Variants in ACLY observed in about 807,000 individuals in gnomAD.
The protein encoded by ACLY is ATP-citrate synthase.
ACLY carries 41 observed loss-of-function variants against 133.0 expected under a neutral mutation model. The observed-to-expected ratio is 0.31, with a 90% CI of 0.24 to 0.40. The LOEUF is 0.40. Ranked by LOEUF, ACLY falls within the 10% of genes least tolerant of loss-of-function variation. ACLY has a pLI of 1.00. For missense variants in ACLY, 1,046 were observed against 1,453.8 expected, an observed-to-expected ratio of 0.72 and a Z score of 4.56; for synonymous variants, 495 against 549.3, an observed-to-expected ratio of 0.90 and a Z score of 1.38.
At chr17:41,885,103 T>C (rs2049015635) in intron 18 of ACLY, among the ~76,000 whole-genome samples, 1 of 151,904 alleles carries the variant, frequency 6.6e-6, no homozygotes, top group Non-Finnish European at 1.5e-5. Flanking sequence ...TAGTCTCGAA[T>C]TTCTGGGCTG....
intron 10 of ACLY, chr17:41,904,484 A>G (rs1216442103): frequency 5.8e-6 from 3 of 515,594 alleles, no homozygotes; most frequent in African/African-American, 3.8e-5. Context: ...TTCGCCTCCC[A>G]TGCTTCAGGT....
In ACLY at chr17:41,908,991, A is replaced by AG. The variant is rs782622373; in HGVS notation, c.613dup (p.Leu205ProfsTer12). 1 of 1,612,690 alleles carries AG rather than the reference A, an allele frequency of 6.2e-7. No individual in the cohort carries two copies. Among genetic ancestry groups the AG allele is most frequent in the Non-Finnish European group, 8.5e-7 (1 of 1,179,252 alleles). ...CCCAGCCAAGCACACCCAGTTACCA[A>AG]GGGGATTGATCTCGAGGTAGGTGAA... On this transcript the variant is annotated frameshift_variant, in exon 6 of 29. Coordinates refer to ENST00000352035, the MANE Select transcript of ACLY (RefSeq NM_001096.3). LOFTEE classifies it high-confidence loss of function.
At chr17:41,909,308 G>A (rs1229274691) in intron 5 of ACLY, among the ~76,000 whole-genome samples, 1 of 152,164 alleles carries the variant, frequency 6.6e-6, no homozygotes, top group Admixed American at 6.5e-5. Flanking sequence ...ACAGGGGCAA[G>A]GAGGTGAGGG....
rs920840934 is a variant in ACLY, at chr17:41,896,798, G to A, written c.1430-149C>T. 6.4e-6 allele frequency: 4 copies of A among 622,954 alleles called. No homozygotes were observed. The East Asian group carries it at 9.2e-5, about 14-fold the overall frequency. 38.6% of individuals were successfully genotyped at this position (622,954 alleles called of 1,614,324 possible). Reference sequence around the variant, plus strand: ...CCTCTCCTGTTCTGCAATGGACAACGGAGTAAGGCCAGCAGAAGAGGTGAA... The same window carrying A: ...CCTCTCCTGTTCTGCAATGGACAACAGAGTAAGGCCAGCAGAAGAGGTGAA... On this transcript the variant is annotated intron_variant, in intron 13 of 28. Transcript: ENST00000352035.
chr17:41,908,877 C>T (rs1168141651), intron 6 of ACLY, 112 bp downstream of exon 6: 2 of 861,242 alleles, frequency 2.3e-6, no homozygotes, highest in Non-Finnish European at 3.9e-6. Flanking sequence ...TTGTGCACAT[C>T]TGTCTTGTGT....
intron 10 of ACLY, among the ~76,000 whole-genome samples, chr17:41,903,476 C>A (rs782475477): frequency 6.6e-6 from 1 of 152,036 alleles, no homozygotes. Flanking sequence ...CCAGGATGGC[C>A]GGGCACAGTG....
intron 3 of ACLY, among the ~76,000 whole-genome samples, 191 bp from the exon 4 acceptor site, chr17:41,910,475 C>T (rs190339613): frequency 6.6e-6 from 1 of 152,358 alleles, no homozygotes; most frequent in Non-Finnish European, 1.5e-5. Context: ...CCTTTCACCC[C>T]TTGCTCTGGT....
chr17:41,868,702 G>T lies in ACLY; in HGVS notation c.3211+7C>A. ...AAAACACTTAAAACAACAACGAATG[G>T]ACTCACCAATGAACCCCATACTCCT... On this transcript the variant is annotated splice_region_variant and intron_variant, in intron 28 of 28. Coordinates refer to ENST00000352035, the MANE Select transcript of ACLY (RefSeq NM_001096.3). 1 of 1,611,952 alleles carries T rather than the reference G, an allele frequency of 6.2e-7. No individual in the cohort carries two copies. The highest frequency in any genetic ancestry group is 1.1e-5 in the South Asian group (1 of 90,924).
At chr17:41,886,006 C>T (rs1284238179) in intron 18 of ACLY, 106 bp downstream of exon 18, 16 of 1,078,198 alleles carry the variant, frequency 1.5e-5, no homozygotes, top group East Asian at 1.4e-4. Flanking sequence ...AGCATTCCTG[C>T]GGGCCTGGAA....
At chr17:41,918,764 A>G in intron 1 of ACLY, 116 bp downstream of exon 1, 1 of 1,206,708 alleles carries the variant, frequency 8.3e-7, no homozygotes, top group Non-Finnish European at 1.1e-6. Flanking sequence ...ACTTCCGAGC[A>G]GGGCGCGTGG....
intron 10 of ACLY, among the ~76,000 whole-genome samples, chr17:41,903,213 C>T (rs1251125847): frequency 2.0e-5 from 3 of 152,188 alleles, no homozygotes; most frequent in African/African-American, 7.2e-5. Flanking sequence ...GAGCATCTGA[C>T]AGCATGGAAT....
intron 12 of ACLY, 88 bp from the exon 13 acceptor site, chr17:41,897,927 G>C: frequency 8.3e-7 from 1 of 1,200,772 alleles, no homozygotes; most frequent in East Asian, 2.6e-5. Context: ...AAGAAAACTC[G>C]TAATAAAAAT....
Position 41,909,634 on chromosome 17 carries a change from C to A in ACLY, c.412G>T (p.Gly138Trp). 6.2e-7 allele frequency: 1 copy of A among 1,614,184 alleles called. No individual in the cohort carries two copies. Among genetic ancestry groups the A allele is most frequent in the Non-Finnish European group, 8.5e-7 (1 of 1,180,038 alleles). ...EGDYVLFHHE[G>W]GVDVGDVDAK... is the part of the protein sequence containing the mutation. ...TCCACATCACCCACGTCCACACCCCCCTCGTGGTGGAACAGGACGTAGTCC... is the reference window on the plus strand; with the variant it reads ...TCCACATCACCCACGTCCACACCCCACTCGTGGTGGAACAGGACGTAGTCC... The change falls in exon 5 of 29, where the codon GGG becomes TGG. Residue 138 changes from glycine to tryptophan, a missense_variant. By Grantham distance (184) the Gly-to-Trp change is radical. Transcript: ENST00000352035.
At chr17:41,900,362 CAAAATAAAAAA>C (rs782190814) in intron 11 of ACLY, among the ~76,000 whole-genome samples, 38 of 117,022 alleles carry the variant, frequency 3.2e-4, no homozygotes, top group Non-Finnish European at 5.0e-4. Flanking sequence ...GACTCCATCT[CAAAATAAAAAA>C]AAAAGAAAAA....
At chr17:41,894,291 C>T (rs1555629957) in intron 14 of ACLY, among the ~76,000 whole-genome samples, 1 of 146,302 alleles carries the variant, frequency 6.8e-6, no homozygotes, top group East Asian at 2.0e-4. Context: ...AACACACAAT[C>T]ACTTGAACCA....
At chr17:41,905,459 T>A in intron 9 of ACLY, 63 bp downstream of exon 9, 1 of 1,604,820 alleles carries the variant, frequency 6.2e-7, no homozygotes, top group Non-Finnish European at 8.5e-7. Context: ...AGCTGTCCCA[T>A]TGCAGCCTGC....
At chr17:41,879,992 G>C (rs943860673) in intron 20 of ACLY, among the ~76,000 whole-genome samples, 2 of 152,062 alleles carry the variant, frequency 1.3e-5, no homozygotes, top group Non-Finnish European at 2.9e-5. Context: ...AGCCTCCCAA[G>C]CTGCTGGGAT....
upstream of ACLY, among the ~76,000 whole-genome samples, chr17:41,923,552 A>C (rs2050206717): frequency 6.6e-6 from 1 of 152,212 alleles, no homozygotes; most frequent in Admixed American, 6.5e-5. Context: ...TAAGAGGGAA[A>C]GATCCTATCC....
In ACLY at chr17:41,906,596, C is replaced by T. The variant is rs1555632718; in HGVS notation, c.798G>A (p.Leu266=). 6.2e-7 allele frequency: 1 copy of T among 1,614,114 alleles called. No homozygotes were observed. The highest frequency in any genetic ancestry group is 1.3e-5 in the African/African-American group (1 of 74,950). ...LDAKSGASLK[L]TLLNPKGRIW... ...TCCTCCCTTTGGGGTTCAGCAAGGTCAGCTTCAGGCTTGCCCCACTTTTGG... is the reference window on the plus strand; with the variant it reads ...TCCTCCCTTTGGGGTTCAGCAAGGTTAGCTTCAGGCTTGCCCCACTTTTGG... The change falls in exon 8 of 29, where the codon CTG becomes CTA. Residue 266 remains leucine, a synonymous_variant. Transcript: ENST00000352035.
Sources: gnomAD v4.1 joint callset for allele counts (sites outside exome capture counted in the v4.1 genomes callset) on GRCh38, gnomAD v4.1.1 for gene constraint, MANE v1.5 for transcripts, NCBI Gene and HGNC (gene_info 2026-07-23, HGNC 2026-07-21) for gene names.